TXNRD1: variants seen among roughly 807,000 people sequenced by gnomAD.
The protein encoded by TXNRD1 is thioredoxin reductase 1, cytoplasmic.
A neutral mutation model predicts 80.3 loss-of-function variants in TXNRD1; 57 were observed. The observed-to-expected ratio is 0.71, with a 90% CI of 0.57 to 0.89. The LOEUF is 0.89. TXNRD1 is among the 40% of genes least tolerant of loss of function. The pLI is 0.00. For missense variants in TXNRD1, 730 were observed against 803.0 expected (o/e 0.91, Z 1.10); for synonymous variants, 291 against 285.2 (o/e 1.02, Z -0.20).
chr12:104,260,217 C>A (rs553621183), intron 3 of TXNRD1, among the ~76,000 whole-genome samples: 2 of 152,218 alleles, frequency 1.3e-5, no homozygotes, highest in African/African-American at 4.8e-5. Flanking sequence ...CCTCTAATCC[C>A]AGCACTTTGG....
At chr12:104,222,061 T>G (rs1470681167) in intron 1 of TXNRD1, among the ~76,000 whole-genome samples, 1 of 152,056 alleles carries the variant, frequency 6.6e-6, no homozygotes, top group Admixed American at 6.6e-5. Context: ...CAAGAGAAAC[T>G]AGAAATCTCT....
chr12:104,347,396 G>A (rs137982884), intron 16 of TXNRD1, among the ~76,000 whole-genome samples: 5 of 152,102 alleles, frequency 3.3e-5, no homozygotes, highest in Admixed American at 1.3e-4. Context: ...TTGTTTTTAC[G>A]TACAGGCAAT....
intron 1 of TXNRD1, among the ~76,000 whole-genome samples, chr12:104,228,790 G>T (rs1171894601): frequency 2.0e-5 from 3 of 151,942 alleles, no homozygotes; most frequent in Non-Finnish European, 4.4e-5. Flanking sequence ...TTTGATCTCG[G>T]CTCACTGCAA....
chr12:104,306,703 C>G (rs2034929599), intron 4 of TXNRD1, among the ~76,000 whole-genome samples: 1 of 152,150 alleles, frequency 6.6e-6, no homozygotes, highest in Non-Finnish European at 1.5e-5. Context: ...ATTAGTTACT[C>G]CTTTCACATA....
In TXNRD1 at chr12:104,348,541, C is replaced by G; in HGVS notation, c.*120C>G. The G allele has an allele frequency of 1.1e-6, 1 of 906,240 alleles. No individual in the cohort carries two copies. The highest frequency in any genetic ancestry group is 1.5e-5 in the South Asian group (1 of 66,698). 56.1% of individuals were successfully genotyped at this position (906,240 alleles called of 1,614,324 possible). ...TTGGCACCTGCGTGTCCTGTGCTTA[C>G]CACCGCCCAAGGCCCCCTTGGATCT... On this transcript the variant is annotated 3_prime_UTR_variant, in exon 17 of 17. Coordinates refer to ENST00000525566, the MANE Select transcript of TXNRD1 (RefSeq NM_001093771.3).
intron 1 of TXNRD1, among the ~76,000 whole-genome samples, chr12:104,248,939 C>T (rs1593705364): frequency 1.3e-5 from 2 of 152,356 alleles, no homozygotes; most frequent in South Asian, 2.1e-4. Flanking sequence ...CCTGCCTAGC[C>T]TCCCAGTGCT....
chr12:104,325,378 A>G lies in TXNRD1; in HGVS notation c.1257A>G (p.Val419=), dbSNP rs1245747806. 2 of 1,613,556 alleles carry G rather than the reference A, an allele frequency of 1.2e-6. No homozygotes were observed. The highest frequency in any genetic ancestry group is 3.3e-5 in the Admixed American group (2 of 59,970). The change falls in exon 11 of 17, where the codon GTA becomes GTG. Residue 419 remains valine, a synonymous_variant. Transcript: ENST00000525566. ...IEAGTPGRLR[V]VAQSTNSEEI... Reference sequence around the variant, plus strand: ...CAGGGACACCAGGCCGACTCAGAGTAGTAGCTCAGTCCACCAATAGTGAGG... The same window carrying G: ...CAGGGACACCAGGCCGACTCAGAGTGGTAGCTCAGTCCACCAATAGTGAGG...
intron 4 of TXNRD1, among the ~76,000 whole-genome samples, chr12:104,301,429 C>T (rs1294773800): frequency 2.0e-5 from 3 of 152,202 alleles, no homozygotes; most frequent in African/African-American, 7.2e-5. Context: ...GCTCCGTCTC[C>T]TGGGTTCAGG....
chr12:104,323,921 C>T (rs1259611250), intron 10 of TXNRD1, among the ~76,000 whole-genome samples: 1 of 152,092 alleles, frequency 6.6e-6, no homozygotes, highest in African/African-American at 2.4e-5. Context: ...AATAGGGTTA[C>T]CAGAGTATCT....
Position 104,321,261 on chromosome 12 carries a change from G to T in TXNRD1, c.1160G>T (p.Gly387Val). Reference protein sequence around the residue: ...GFDQDMANKIGEHMEEHGIKF... With the variant: ...GFDQDMANKIVEHMEEHGIKF... ...GACCAGGACATGGCCAACAAAATTG[G>T]TGAACACATGGAAGAACATGGCATC... The change falls in exon 10 of 17, where the codon GGT (glycine) becomes GTT (valine). Residue 387 changes from glycine (G) to valine (V), a missense_variant. Coordinates refer to ENST00000525566, the MANE Select transcript of TXNRD1 (RefSeq NM_001093771.3). 6.2e-7 allele frequency: 1 copy of T among 1,613,882 alleles called. No homozygotes were observed. The highest frequency in any genetic ancestry group is 8.5e-7 in the Non-Finnish European group (1 of 1,179,864).
chr12:104,257,313 G>A (rs1482342584), intron 2 of TXNRD1, among the ~76,000 whole-genome samples: 3 of 150,036 alleles, frequency 2.0e-5, no homozygotes, highest in Non-Finnish European at 4.4e-5. Flanking sequence ...GGGTTACTCA[G>A]CCAAAAAAGA....
In TXNRD1 at chr12:104,258,106, A is replaced by G. The variant is rs2033295100; in HGVS notation, c.304+27A>G. 9 of 1,456,674 alleles carry G rather than the reference A, an allele frequency of 6.2e-6. No individual in the cohort carries two copies. The East Asian group carries it at 1.7e-4, about 28-fold the overall frequency. 90.2% of individuals were successfully genotyped at this position (1,456,674 alleles called of 1,614,324 possible). A position where few individuals can be genotyped will look rare whatever the true frequency, so the allele number is the denominator to read the frequency against. On this transcript the variant is annotated intron_variant, in intron 3 of 16. Coordinates refer to ENST00000525566, the MANE Select transcript of TXNRD1 (RefSeq NM_001093771.3). ...TAAGTTTCTGTTTAATATGTAAATCATAGCTGCTGACTGTACATTTTATCT... is the reference window on the plus strand; with the variant it reads ...TAAGTTTCTGTTTAATATGTAAATCGTAGCTGCTGACTGTACATTTTATCT...
At chr12:104,304,580 G>A in intron 4 of TXNRD1, 2 of 1,614,004 alleles carry the variant, frequency 1.2e-6, no homozygotes, top group Non-Finnish European at 1.7e-6. Context: ...TTATCCAGAA[G>A]CGACAGAAAA....
intron 16 of TXNRD1, among the ~76,000 whole-genome samples, chr12:104,342,954 T>C (rs2036375227): frequency 6.6e-6 from 1 of 152,032 alleles, no homozygotes; most frequent in Admixed American, 6.6e-5. Flanking sequence ...CACGGTTATA[T>C]TTGAGGGCAG....
intron 3 of TXNRD1, among the ~76,000 whole-genome samples, chr12:104,262,742 G>T (rs555866212): frequency 6.6e-6 from 1 of 151,954 alleles, no homozygotes. Context: ...TACTAGGCAG[G>T]TGTGCTTCCT....
intron 3 of TXNRD1, among the ~76,000 whole-genome samples, chr12:104,274,592 G>A (rs566039178): frequency 1.3e-5 from 2 of 151,680 alleles, no homozygotes; most frequent in African/African-American, 4.8e-5. Flanking sequence ...CCAGCTACTC[G>A]GTAGGCTGAG....
intron 16 of TXNRD1, among the ~76,000 whole-genome samples, chr12:104,345,562 A>T (rs2036461647): frequency 6.6e-6 from 1 of 152,194 alleles, no homozygotes. Flanking sequence ...CATTTGCCGT[A>T]TTCAGTGTGA....
chr12:104,347,468 C>T (rs1194226836), intron 16 of TXNRD1, among the ~76,000 whole-genome samples: 1 of 152,134 alleles, frequency 6.6e-6, no homozygotes, highest in Non-Finnish European at 1.5e-5. Context: ...CAAATGTTTG[C>T]AAGGATATGA....
Position 104,232,805 on chromosome 12 carries a change from G to A in TXNRD1, c.91+16912G>A, listed in dbSNP as rs1022035478. ...CTCAGCAAGGCAACTTTACTTTTCTGCAGAAAAGATGCTTCTAAGAAGCCT... is the reference window on the plus strand; with the variant it reads ...CTCAGCAAGGCAACTTTACTTTTCTACAGAAAAGATGCTTCTAAGAAGCCT... On this transcript the variant is annotated intron_variant, in intron 1 of 16. Transcript: ENST00000525566. 3.3e-5 allele frequency among the ~76,000 whole-genome samples: 5 copies of A among 152,288 alleles called. No individual in the cohort carries two copies. In the South Asian group the frequency reaches 1.0e-3, roughly 32 times the overall value.
Sources: allele counts gnomAD v4.1 joint callset (sites outside exome capture counted in the v4.1 genomes callset), GRCh38; gene constraint gnomAD v4.1.1; transcripts MANE v1.5; gene names NCBI Gene and HGNC (gene_info 2026-07-23, HGNC 2026-07-21).